The following FRMD4B variants were observed in gnomAD, a reference collection of about 807,000 sequenced individuals.
FRMD4B encodes the protein FERM domain containing 4B, also known as FERM domain-containing protein 4B.
FRMD4B carries 74 observed loss-of-function variants against 141.5 expected under a neutral mutation model. The observed-to-expected ratio is 0.52, with a 90% CI of 0.43 to 0.63. The LOEUF (loss-of-function observed/expected upper bound fraction) is 0.63. FRMD4B is among the 30% of genes least tolerant of loss of function. The probability of loss-of-function intolerance (pLI) is 0.00; values close to 1 mark genes in which losing one functional copy is unlikely to be tolerated. For synonymous variants in FRMD4B, 506 were observed against 467.9 expected (o/e 1.08, Z -1.05); for missense variants, 1,366 against 1,253.4 (o/e 1.09, Z -1.36).
intron 1 of FRMD4B, among the ~76,000 whole-genome samples, chr3:69,377,523 C>T (rs1704003459): frequency 6.6e-6 from 1 of 152,184 alleles, no homozygotes; most frequent in Non-Finnish European, 1.5e-5. Flanking sequence ...GATGTGTTGC[C>T]CAAACTTATT....
intron 1 of FRMD4B, among the ~76,000 whole-genome samples, chr3:69,476,881 G>C (rs1288971568): frequency 6.6e-6 from 1 of 152,052 alleles, no homozygotes; most frequent in African/African-American, 2.4e-5. Flanking sequence ...TTATTTCACT[G>C]AGCAGTGGTT....
At chr3:69,382,384 A>G (rs549380313) in intron 1 of FRMD4B, among the ~76,000 whole-genome samples, 1 of 152,284 alleles carries the variant, frequency 6.6e-6, no homozygotes, top group South Asian at 2.1e-4. Flanking sequence ...CATGTTGGCC[A>G]CGCTGGTCTT....
intron 4 of FRMD4B, among the ~76,000 whole-genome samples, chr3:69,290,637 G>A (rs888063399): frequency 2.0e-5 from 3 of 152,144 alleles, no homozygotes; most frequent in Non-Finnish European, 4.4e-5. Context: ...AATTAAGGGC[G>A]GCAGCAGGAT....
intron 5 of FRMD4B, among the ~76,000 whole-genome samples, chr3:69,262,707 G>A (rs576277982): frequency 1.3e-5 from 2 of 151,100 alleles, no homozygotes; most frequent in East Asian, 2.0e-4. Context: ...TGATCCGCCC[G>A]CCTTGGCCTC....
At chr3:69,504,850 A>G (rs892015648) in intron 1 of FRMD4B, among the ~76,000 whole-genome samples, 3 of 152,196 alleles carry the variant, frequency 2.0e-5, no homozygotes, top group Non-Finnish European at 2.9e-5. Context: ...AAACTTTTGG[A>G]TATTAGACAC....
Position 69,385,874 on chromosome 3 carries a change from C to A in FRMD4B, c.116G>T (p.Cys39Phe). The A allele has an allele frequency of 1.9e-6, 3 of 1,599,140 alleles. No homozygotes were observed. Among genetic ancestry groups the A allele is most frequent in the South Asian group, 2.3e-5 (2 of 87,750 alleles). ...RRWYTERLRA[C>F]HQVLRTWCGL... ...GCACCACGTCCGCAGCACCTGGTGGCAAGCCCGCAGCCTCTCCGTGTACCA... is the reference window on the plus strand; with the variant it reads ...GCACCACGTCCGCAGCACCTGGTGGAAAGCCCGCAGCCTCTCCGTGTACCA... Residue 39 changes from cysteine to phenylalanine, a missense_variant, in exon 1 of 23, where the codon TGC (cysteine) becomes TTC (phenylalanine). Physicochemically the swap from Cys to Phe is radical, Grantham distance 205. Coordinates refer to ENST00000398540, the MANE Select transcript of FRMD4B (RefSeq NM_015123.3).
At position 69,477,687 on chromosome 3, in the gene FRMD4B, A is replaced by C. The variant is rs567492062; in HGVS notation, c.-128-44926T>G. ...TCTCTTTTTTGGTTATGTCTCTGCC[A>C]GGCTTTGGTATCAGGATGATGCTGG... On this transcript the variant is annotated intron_variant, in intron 1 of 5. Transcript: ENST00000459638. Among the ~76,000 whole-genome samples the C allele has an allele frequency of 3.5e-3, 530 of 151,998 alleles. 6 individuals carry two copies. Among genetic ancestry groups the C allele is most frequent in the African/African-American group, 0.012 (502 of 41,350 alleles).
chr3:69,229,015 G>GTTTTTTTTTTTTTTTTTTTTTTT (rs58912710), intron 7 of FRMD4B, among the ~76,000 whole-genome samples: 2 of 120,984 alleles, frequency 1.7e-5, no homozygotes. Context: ...TCAAAATCAT[G>GTTTTTTTTTTTTTTTTTTTTTTT]TTTTTTTTTT....
At chr3:69,339,853 C>A (rs769963577) in intron 1 of FRMD4B, among the ~76,000 whole-genome samples, 1 of 152,122 alleles carries the variant, frequency 6.6e-6, no homozygotes, top group Non-Finnish European at 1.5e-5. Context: ...CATGCAAAGT[C>A]CCCTGAGAGG....
At chr3:69,513,978 C>T (rs1706730482) in intron 1 of FRMD4B, among the ~76,000 whole-genome samples, 1 of 152,102 alleles carries the variant, frequency 6.6e-6, no homozygotes, top group African/African-American at 2.4e-5. Context: ...AAAGCATTTC[C>T]TCTAAGATCA....
intron 1 of FRMD4B, among the ~76,000 whole-genome samples, chr3:69,504,065 C>A (rs1414142462): frequency 6.6e-6 from 1 of 152,166 alleles, no homozygotes; most frequent in Non-Finnish European, 1.5e-5. Context: ...GGATCATATA[C>A]AATCACTGTA....
chr3:69,270,159 G>A (rs1281948816), intron 5 of FRMD4B, among the ~76,000 whole-genome samples: 1 of 152,176 alleles, frequency 6.6e-6, no homozygotes, highest in Non-Finnish European at 1.5e-5. Flanking sequence ...AGGACTACAG[G>A]TGCATGTCAC....
intron 11 of FRMD4B, among the ~76,000 whole-genome samples, chr3:69,204,060 G>A (rs2092997864): frequency 1.3e-5 from 2 of 152,186 alleles, no homozygotes; most frequent in East Asian, 1.9e-4. Flanking sequence ...TTTGCTCACC[G>A]TTTCTGTATC....
intron 1 of FRMD4B, among the ~76,000 whole-genome samples, chr3:69,479,043 GT>G (rs1706063892): frequency 1.1e-5 from 1 of 92,796 alleles, no homozygotes; most frequent in Non-Finnish European, 2.1e-5. Context: ...CCTTTTTTTT[GT>G]TTTCCATTTG....
intron 19 of FRMD4B, among the ~76,000 whole-genome samples, chr3:69,187,553 AT>A (rs1457591615): frequency 7.0e-5 from 10 of 141,876 alleles, no homozygotes; most frequent in African/African-American, 2.1e-4. Flanking sequence ...AAAAAAAAAA[AT>A]ATATATATAT....
At chr3:69,249,997 GA>G in intron 6 of FRMD4B, 45 bp downstream of exon 6, 1 of 1,316,900 alleles carries the variant, frequency 7.6e-7, no homozygotes, top group Non-Finnish European at 1.1e-6. Context: ...TAACAAAAAC[GA>G]ACAAACACAA....
At chr3:69,541,633 C>A (rs563552961) in intron 1 of FRMD4B, among the ~76,000 whole-genome samples, 26 of 152,228 alleles carry the variant, frequency 1.7e-4, no homozygotes, top group African/African-American at 6.0e-4. Context: ...ATTTTTTCCT[C>A]CCCAGATGAA....
rs941824311 is a variant in FRMD4B at position 69,176,852 on chromosome 3, C to T, written c.2852-196G>A. On this transcript the variant is annotated intron_variant, in intron 21 of 22. Coordinates refer to ENST00000398540, the MANE Select transcript of FRMD4B (RefSeq NM_015123.3). ...AGGCAAGTAGTTTATCCTCTTTAAG[C>T]CTCAGTTTCCTCATCTATAGAGTAG... Among the ~76,000 whole-genome samples the T allele has an allele frequency of 1.1e-4, 16 of 151,978 alleles. 1 individual carries two copies. The highest frequency in any genetic ancestry group is 9.2e-4 in the Admixed American group (14 of 15,246).
At chr3:69,437,137 A>G (rs922078757) in intron 1 of FRMD4B, among the ~76,000 whole-genome samples, 4 of 152,130 alleles carry the variant, frequency 2.6e-5, no homozygotes, top group Non-Finnish European at 5.9e-5. Flanking sequence ...CAGTGGCACA[A>G]TCATGGCTCA....
Sources: allele counts gnomAD v4.1 joint callset (sites outside exome capture counted in the v4.1 genomes callset), GRCh38; gene constraint gnomAD v4.1.1; transcripts MANE v1.5; gene names NCBI Gene and HGNC (gene_info 2026-07-23, HGNC 2026-07-21).